The following PKNOX2 variants were observed in gnomAD, a reference collection of about 807,000 sequenced individuals.
PKNOX2 encodes the protein PBX/knotted 1 homeobox 2.
PKNOX2 carries 14 observed loss-of-function variants against 53.1 expected under a neutral mutation model. That is an observed-to-expected ratio of 0.26 (90% CI 0.17 to 0.41). The LOEUF (loss-of-function observed/expected upper bound fraction) is 0.41. Among genes scored for constraint, PKNOX2 ranks in the 10% least tolerant of loss-of-function variants. The probability of loss-of-function intolerance (pLI) is 1.00; values close to 1 mark genes in which losing one functional copy is unlikely to be tolerated. For synonymous variants in PKNOX2, 257 were observed against 242.8 expected (o/e 1.06, Z -0.54); for missense variants, 496 against 602.8 (o/e 0.82, Z 1.85).
chr11:125,376,166 G>A (rs538143359), intron 5 of PKNOX2, among the ~76,000 whole-genome samples: 142 of 152,302 alleles, frequency 9.3e-4, no homozygotes, highest in African/African-American at 3.2e-3. Flanking sequence ...CACACTTGCC[G>A]GGAATGGACC....
intron 10 of PKNOX2, among the ~76,000 whole-genome samples, chr11:125,423,097 CACATATAT>C (rs1248058337): frequency 1.3e-5 from 2 of 152,088 alleles, no homozygotes; most frequent in Admixed American, 6.6e-5. Flanking sequence ...TATGTATATA[CACATATAT>C]ACATATATAC....
chr11:125,182,122 C>T (rs868393296), intron 1 of PKNOX2, among the ~76,000 whole-genome samples: 28 of 152,258 alleles, frequency 1.8e-4, no homozygotes, highest in Middle Eastern at 3.4e-3. Flanking sequence ...TCTTTTGGAG[C>T]CATAAAGCAC....
intron 1 of PKNOX2, among the ~76,000 whole-genome samples, chr11:125,177,655 C>T (rs1482959285): frequency 1.3e-5 from 2 of 152,160 alleles, no homozygotes; most frequent in South Asian, 2.1e-4. Context: ...GTTCCTTTCC[C>T]GTCACTTCCG....
chr11:125,402,811 G>A (rs965283810), intron 7 of PKNOX2, among the ~76,000 whole-genome samples: 2 of 152,138 alleles, frequency 1.3e-5, no homozygotes, highest in South Asian at 2.1e-4. Context: ...TTCCTCAGAG[G>A]GGGACCAAGT....
intron 10 of PKNOX2, among the ~76,000 whole-genome samples, chr11:125,416,386 A>G (rs1955888219): frequency 6.7e-6 from 1 of 150,194 alleles, no homozygotes; most frequent in Non-Finnish European, 1.5e-5. Context: ...ATCTTTCCAG[A>G]TTTTTATTAT....
chr11:125,429,291 C>T (rs971046943), intron 11 of PKNOX2, among the ~76,000 whole-genome samples: 2 of 152,216 alleles, frequency 1.3e-5, no homozygotes, highest in African/African-American at 4.8e-5. Flanking sequence ...AGCTTCTCAG[C>T]GCCCTCTGCT....
intron 7 of PKNOX2, among the ~76,000 whole-genome samples, chr11:125,408,470 C>A (rs184045833): frequency 6.6e-6 from 1 of 152,174 alleles, no homozygotes; most frequent in Admixed American, 6.5e-5. Context: ...CCCACCCACC[C>A]GGAGGAGCCA....
chr11:125,391,702 A>G (rs1295656341), intron 6 of PKNOX2, among the ~76,000 whole-genome samples: 1 of 152,260 alleles, frequency 6.6e-6, no homozygotes, highest in African/African-American at 2.4e-5. Context: ...GTACAGTGGT[A>G]GGAGACTAAA....
intron 7 of PKNOX2, among the ~76,000 whole-genome samples, chr11:125,408,683 T>C (rs552464507): frequency 2.6e-5 from 4 of 152,294 alleles, no homozygotes; most frequent in African/African-American, 9.6e-5. Context: ...AGTGCCGACT[T>C]CCACTTCCTG....
chr11:125,249,698 T>G (rs1448373949), intron 2 of PKNOX2, among the ~76,000 whole-genome samples: 1 of 152,134 alleles, frequency 6.6e-6, no homozygotes, highest in Middle Eastern at 3.2e-3. Context: ...ACAAATCCCA[T>G]GCAGATACCA....
At chr11:125,283,696 C>G (rs753484482) in intron 2 of PKNOX2, among the ~76,000 whole-genome samples, 9 of 152,124 alleles carry the variant, frequency 5.9e-5, no homozygotes, top group Non-Finnish European at 1.5e-5. Flanking sequence ...AGAAGTGTCA[C>G]TTAAAAAGAA....
Position 125,386,713 on chromosome 11 carries a change from AACAC to A in PKNOX2, c.399+1028_399+1031del, listed in dbSNP as rs3138544. Among the ~76,000 whole-genome samples the A allele has an allele frequency of 4.7e-3, 668 of 140,990 alleles. 4 individuals carry two copies. The highest frequency in any genetic ancestry group is 5.7e-3 in the South Asian group (24 of 4,206). The allele number at this position is 140,990 out of a possible 152,430, so 92.5% of individuals were successfully genotyped here. A position where few individuals can be genotyped will look rare whatever the true frequency, so the allele number is the denominator to read the frequency against. On this transcript the variant is annotated intron_variant, in intron 6 of 12. Coordinates refer to ENST00000298282, the MANE Select transcript of PKNOX2 (RefSeq NM_001382323.2). ...TGTGGTTCCAGAAAGGAAGAAAAAGAACACACACACACACACACACACACACACA... is the reference window on the plus strand; with the variant it reads ...TGTGGTTCCAGAAAGGAAGAAAAAGAACACACACACACACACACACACACA...
At chr11:125,383,445 TAA>T (rs551704955) in intron 5 of PKNOX2, among the ~76,000 whole-genome samples, 43,880 of 121,486 alleles carry the variant, frequency 0.36, 7,484 homozygotes, top group East Asian at 0.55. Context: ...CCCTCTCTGC[TAA>T]AAAAAAAAAA....
At position 125,410,989 on chromosome 11, in the gene PKNOX2, C is replaced by G. The variant is rs1955476075; in HGVS notation, c.816+113C>G. 3.6e-6 allele frequency: 3 copies of G among 844,876 alleles called. No homozygotes were observed. In the South Asian group the frequency reaches 4.7e-5, roughly 13 times the overall value. 52.3% of individuals were successfully genotyped at this position (844,876 alleles called of 1,614,324 possible). On this transcript the variant is annotated intron_variant, in intron 9 of 12. Coordinates refer to ENST00000298282, the MANE Select transcript of PKNOX2 (RefSeq NM_001382323.2). Reference sequence around the variant, plus strand: ...TGACTCATTGAATCCTCATCATCCTCTAAGAGGTATCATTACCCCTACTTT... The same window carrying G: ...TGACTCATTGAATCCTCATCATCCTGTAAGAGGTATCATTACCCCTACTTT...
chr11:125,243,097 T>C (rs1366650280), intron 2 of PKNOX2, among the ~76,000 whole-genome samples: 3 of 152,262 alleles, frequency 2.0e-5, no homozygotes, highest in African/African-American at 7.2e-5. Flanking sequence ...TTATAAACTA[T>C]AAAGCACTGC....
chr11:125,401,043 A>T (rs1157307997), intron 7 of PKNOX2, among the ~76,000 whole-genome samples: 2 of 151,844 alleles, frequency 1.3e-5, no homozygotes, highest in Non-Finnish European at 2.9e-5. Context: ...GGAAGTATTT[A>T]TTGAAAGAAA....
chr11:125,322,518 C>T (rs1232625016), intron 2 of PKNOX2, among the ~76,000 whole-genome samples: 7 of 152,324 alleles, frequency 4.6e-5, no homozygotes, highest in Middle Eastern at 3.4e-3. Flanking sequence ...CCACTAATGA[C>T]CACCTTCCCC....
chr11:125,238,630 C>G (rs1421531175), intron 2 of PKNOX2, among the ~76,000 whole-genome samples: 1 of 152,176 alleles, frequency 6.6e-6, no homozygotes, highest in African/African-American at 2.4e-5. Context: ...TTCTAAGATT[C>G]TAAATGTGCA....
intron 1 of PKNOX2, among the ~76,000 whole-genome samples, chr11:125,167,238 T>G (rs1954954841): frequency 6.6e-6 from 1 of 151,762 alleles, no homozygotes; most frequent in Non-Finnish European, 1.5e-5. Flanking sequence ...GAGGAAGATT[T>G]GAGATTTCCT....
Sources: allele counts gnomAD v4.1 joint callset (sites outside exome capture counted in the v4.1 genomes callset), GRCh38; gene constraint gnomAD v4.1.1; transcripts MANE v1.5; gene names NCBI Gene and HGNC (gene_info 2026-07-23, HGNC 2026-07-21).